METTL15: variants seen among roughly 807,000 people sequenced by gnomAD.
The protein encoded by METTL15 is 12S rRNA N(4)-cytidine methyltransferase METTL15.
A neutral mutation model predicts 38.3 loss-of-function variants in METTL15; 34 were observed. The ratio of observed to expected loss-of-function variants is 0.89; its 90% CI spans 0.68 to 1.18. The LOEUF is 1.18. Ranked by LOEUF, METTL15 falls within the 50% of genes most tolerant of loss-of-function variation. The pLI is 0.00. For synonymous variants in METTL15, 162 were observed against 170.9 expected (o/e 0.95, Z 0.41); for missense variants, 438 against 498.4 (o/e 0.88, Z 1.15).
In METTL15 at chr11:28,469,944, GA is replaced by G. The variant is rs1851289215; in HGVS notation, c.*424+45582del. On this transcript the variant is annotated intron_variant and NMD_transcript_variant, in intron 6 of 7. Transcript: ENST00000532947. ...TACTAATTTTAAATGTCAGGCTTATGAATATATTCATGAATATATTCTAACT... is the reference window on the plus strand; with the variant it reads ...TACTAATTTTAAATGTCAGGCTTATGATATATTCATGAATATATTCTAACT... Among the ~76,000 whole-genome samples the G allele has an allele frequency of 3.3e-5, 5 of 152,092 alleles. No homozygotes were observed. In the South Asian group the frequency reaches 1.0e-3, roughly 32 times the overall value.
intron 6 of METTL15, chr11:28,327,929 G>GT: frequency 2.9e-6 from 1 of 341,344 alleles, no homozygotes; most frequent in Non-Finnish European, 5.2e-6. Context: ...AAGTTAAGCA[G>GT]TTATGTTGAA....
At chr11:28,452,447 A>G (rs1433198040) in intron 6 of METTL15, among the ~76,000 whole-genome samples, 2 of 152,236 alleles carry the variant, frequency 1.3e-5, no homozygotes, top group African/African-American at 2.4e-5. Context: ...ATCTTAATTT[A>G]TATACCTAAA....
intron 6 of METTL15, among the ~76,000 whole-genome samples, chr11:28,492,293 G>T (rs534917803): frequency 1.7e-4 from 26 of 152,036 alleles, no homozygotes; most frequent in Non-Finnish European, 3.5e-4. Context: ...GGAGGGTCTG[G>T]GATTGGATTG....
chr11:28,497,680 G>T (rs1851547149), intron 6 of METTL15, among the ~76,000 whole-genome samples: 1 of 152,176 alleles, frequency 6.6e-6, no homozygotes, highest in Non-Finnish European at 1.5e-5. Flanking sequence ...CTGCTTCCAA[G>T]ATGGCATCCT....
chr11:28,350,928 C>G (rs1409255226), intron 3 of METTL15, among the ~76,000 whole-genome samples: 2 of 152,136 alleles, frequency 1.3e-5, no homozygotes, highest in Admixed American at 1.3e-4. Context: ...GGTTACCAAG[C>G]AACTTTTCAG....
chr11:28,118,482 T>A (rs370566843), intron 3 of METTL15, among the ~76,000 whole-genome samples: 11 of 152,270 alleles, frequency 7.2e-5, no homozygotes, highest in African/African-American at 2.6e-4. Context: ...AAATGTATTA[T>A]CCTAAGAACT....
intron 3 of METTL15, among the ~76,000 whole-genome samples, chr11:28,348,113 G>C (rs7934085): frequency 0.29 from 43,752 of 151,962 alleles, 7,099 homozygotes; most frequent in African/African-American, 0.43. Flanking sequence ...TTAAGATTAC[G>C]TCCACCAGGT....
At chr11:28,410,171 A>G (rs1850712551) in intron 5 of METTL15, among the ~76,000 whole-genome samples, 1 of 152,300 alleles carries the variant, frequency 6.6e-6, no homozygotes, top group East Asian at 1.9e-4. Flanking sequence ...TTCACTACTG[A>G]TTACTGCCAA....
intron 6 of METTL15, among the ~76,000 whole-genome samples, chr11:28,490,625 G>T (rs564462570): frequency 1.3e-5 from 2 of 152,192 alleles, no homozygotes; most frequent in South Asian, 2.1e-4. Context: ...GATTCTTAAT[G>T]TGCAGTTAGG....
chr11:28,378,635 A>G (rs981801426), intron 5 of METTL15, among the ~76,000 whole-genome samples: 12 of 151,966 alleles, frequency 7.9e-5, no homozygotes, highest in Non-Finnish European at 1.6e-4. Flanking sequence ...TCAGGCTGGG[A>G]GCTGTAGACA....
chr11:28,298,613 A>G (rs1856816944), intron 6 of METTL15, among the ~76,000 whole-genome samples: 1 of 152,136 alleles, frequency 6.6e-6, no homozygotes, highest in Admixed American at 6.6e-5. Context: ...AAGGTGTACA[A>G]TAGGAACAAT....
At chr11:28,369,978 A>G (rs1186398524) in intron 5 of METTL15, among the ~76,000 whole-genome samples, 1 of 152,174 alleles carries the variant, frequency 6.6e-6, no homozygotes, top group African/African-American at 2.4e-5. Flanking sequence ...TTGGAGGTAC[A>G]TGTAACGATT....
intron 6 of METTL15, among the ~76,000 whole-genome samples, chr11:28,476,537 A>T (rs1174532502): frequency 3.9e-5 from 6 of 152,142 alleles, no homozygotes; most frequent in African/African-American, 1.4e-4. Context: ...GAGAGTTGAG[A>T]CAGACCTTAG....
chr11:28,429,186 C>T (rs1449309063), intron 6 of METTL15, among the ~76,000 whole-genome samples: 1 of 152,136 alleles, frequency 6.6e-6, no homozygotes, highest in African/African-American at 2.4e-5. Context: ...ATTTTGCCAT[C>T]ACCCAAACTC....
chr11:28,354,503 G>C (rs1184825307), intron 4 of METTL15, among the ~76,000 whole-genome samples: 1 of 152,126 alleles, frequency 6.6e-6, no homozygotes, highest in Non-Finnish European at 1.5e-5. Flanking sequence ...ATATTTGAAA[G>C]ATTCTATTCT....
chr11:28,456,001 T>C (rs933436522), intron 6 of METTL15, among the ~76,000 whole-genome samples: 3 of 152,004 alleles, frequency 2.0e-5, no homozygotes, highest in African/African-American at 7.3e-5. Flanking sequence ...CCACCGCGCC[T>C]GGCCTATTTA....
chr11:28,236,268 C>G (rs1361174632), intron 4 of METTL15, among the ~76,000 whole-genome samples: 1 of 152,070 alleles, frequency 6.6e-6, no homozygotes, highest in African/African-American at 2.4e-5. Context: ...CTAAAATTCT[C>G]TTTTTTGGTT....
intron 4 of METTL15, among the ~76,000 whole-genome samples, chr11:28,266,377 C>T (rs1378785316): frequency 6.6e-6 from 1 of 152,052 alleles, no homozygotes; most frequent in Non-Finnish European, 1.5e-5. Flanking sequence ...TACTATGCAG[C>T]CATAAAAAAT....
chr11:28,506,782 T>C (rs1393714473), intron 6 of METTL15, among the ~76,000 whole-genome samples: 4 of 147,656 alleles, frequency 2.7e-5, no homozygotes, highest in African/African-American at 7.5e-5. Flanking sequence ...TCTCACTCTG[T>C]TGCCCAGGAT....
Sources: allele counts gnomAD v4.1 joint callset (sites outside exome capture counted in the v4.1 genomes callset), GRCh38; gene constraint gnomAD v4.1.1; transcripts MANE v1.5; gene names NCBI Gene and HGNC (gene_info 2026-07-23, HGNC 2026-07-21).